The following AMDHD1 variants were observed in gnomAD, a reference collection of about 807,000 sequenced individuals.
The protein encoded by AMDHD1 is amidohydrolase domain containing 1.
AMDHD1 carries 45 observed loss-of-function variants against 44.1 expected under a neutral mutation model. The ratio of observed to expected loss-of-function variants is 1.02; its 90% CI spans 0.80 to 1.31. AMDHD1 has a LOEUF of 1.31. Among genes scored for constraint, AMDHD1 ranks in the 50% most tolerant of loss-of-function variants. AMDHD1 has a pLI of 0.00. For synonymous variants in AMDHD1, 206 were observed against 205.0 expected (o/e 1.00, Z -0.04); for missense variants, 586 against 552.1 (o/e 1.06, Z -0.61).
chr12:95,960,480 A>T lies in AMDHD1; in HGVS notation c.670A>T (p.Ile224Leu), dbSNP rs748912127. Reference sequence around the variant, plus strand: ...GAAGGAACTTGGCAGAAATGGGGAAATACACGTGGACAATATAGACGTATT... The same window carrying T: ...GAAGGAACTTGGCAGAAATGGGGAATTACACGTGGACAATATAGACGTATT... ...KLKELGRNGE[I>L]HVDNIDVFCE... Residue 224 changes from isoleucine to leucine, a missense_variant, in exon 5 of 9, where the codon ATA becomes TTA. By Grantham distance (5) the Ile-to-Leu change is conservative. Coordinates refer to ENST00000266736, the MANE Select transcript of AMDHD1 (RefSeq NM_152435.3). 6 of 1,614,258 alleles carry T rather than the reference A, an allele frequency of 3.7e-6. No individual in the cohort carries two copies. The Admixed American group carries it at 1.0e-4, about 27-fold the overall frequency.
At chr12:95,959,372 A>G (rs1050947741) in intron 4 of AMDHD1, among the ~76,000 whole-genome samples, 1 of 152,198 alleles carries the variant, frequency 6.6e-6, no homozygotes, top group Admixed American at 6.5e-5. Context: ...TTTCTAACAT[A>G]TAACTACTGC....
At position 95,964,225 on chromosome 12, in the gene AMDHD1, C is replaced by A. The variant is rs147048338; in HGVS notation, c.939-1461C>A. On this transcript the variant is annotated intron_variant, in intron 6 of 8. Transcript: ENST00000266736. ...CTCCTATTAGGACCACAGGGGCAGT[C>A]GAAGTGAAGGCCACACTCTGCTTTC... 4.9e-3 allele frequency among the ~76,000 whole-genome samples: 750 copies of A among 152,048 alleles called. 7 individuals are homozygous for A. Among genetic ancestry groups the A allele is most frequent in the Middle Eastern group, 0.01 (3 of 294 alleles).
chr12:95,946,061 CTGTG>C lies in AMDHD1; in HGVS notation c.137+2554_137+2557del, dbSNP rs56658923. 3.2e-3 allele frequency among the ~76,000 whole-genome samples: 393 copies of C among 122,564 alleles called. 2 individuals carry two copies. The highest frequency in any genetic ancestry group is 5.5e-3 in the African/African-American group (209 of 37,752). 80.4% of individuals were successfully genotyped at this position (122,564 alleles called of 152,430 possible). A position where few individuals can be genotyped will look rare whatever the true frequency, so the allele number is the denominator to read the frequency against. ...AATTAAGTTCTCTCTCTCTTTCTCT[CTGTG>C]TGTGTGTGTGTGTGTGTGTGTGTGT... On this transcript the variant is annotated intron_variant, in intron 1 of 8. Coordinates refer to ENST00000266736, the MANE Select transcript of AMDHD1 (RefSeq NM_152435.3).
intron 6 of AMDHD1, among the ~76,000 whole-genome samples, chr12:95,964,333 G>A (rs564906186): frequency 6.6e-6 from 1 of 152,230 alleles, no homozygotes; most frequent in Admixed American, 6.5e-5. Flanking sequence ...ACCCTCTCTT[G>A]ACTCTCATTT....
chr12:95,950,694 A>G (rs2080521850), intron 1 of AMDHD1, among the ~76,000 whole-genome samples: 1 of 152,196 alleles, frequency 6.6e-6, no homozygotes, highest in South Asian at 2.1e-4. Context: ...CCATGACCCA[A>G]GATGGCCACC....
intron 4 of AMDHD1, among the ~76,000 whole-genome samples, chr12:95,959,626 T>C (rs2080569583): frequency 6.6e-6 from 1 of 151,688 alleles, no homozygotes. Flanking sequence ...TCCTCCCCCA[T>C]ACCCCCAGAT....
At chr12:95,949,695 C>T (rs1026082067) in intron 1 of AMDHD1, among the ~76,000 whole-genome samples, 4 of 152,140 alleles carry the variant, frequency 2.6e-5, no homozygotes, top group African/African-American at 9.7e-5. Context: ...GAAAAGGAAG[C>T]TATGCATATT....
intron 1 of AMDHD1, 142 bp downstream of exon 1, chr12:95,943,677 T>A: frequency 8.3e-7 from 1 of 1,201,678 alleles, no homozygotes; most frequent in Non-Finnish European, 1.1e-6. Context: ...TTGGGGTACC[T>A]GTTGCTAACA....
chr12:95,960,879 C>T (rs2080577931), intron 5 of AMDHD1, among the ~76,000 whole-genome samples: 3 of 152,170 alleles, frequency 2.0e-5, no homozygotes, highest in Middle Eastern at 3.4e-3. Context: ...TGGCTGGGCG[C>T]GGTAGCTCAC....
intron 8 of AMDHD1, 79 bp downstream of exon 8, chr12:95,966,587 ATTAT>A: frequency 2.0e-6 from 3 of 1,526,750 alleles, no homozygotes; most frequent in Non-Finnish European, 2.7e-6. Context: ...TTTTCCACTA[ATTAT>A]TAGTGTCAGA....
intron 3 of AMDHD1, among the ~76,000 whole-genome samples, chr12:95,955,765 C>T (rs2080546417): frequency 6.6e-6 from 1 of 152,146 alleles, no homozygotes; most frequent in South Asian, 2.1e-4. Context: ...ATGAAAACTC[C>T]GGCCAGGAGA....
intron 6 of AMDHD1, among the ~76,000 whole-genome samples, chr12:95,964,928 C>CA (rs60076877): frequency 0.095 from 3,392 of 35,682 alleles, 430 homozygotes; most frequent in East Asian, 0.41. Context: ...ATGTTTGAGG[C>CA]AAAAAAAAAA....
At chr12:95,964,299 G>A (rs762398063) in intron 6 of AMDHD1, among the ~76,000 whole-genome samples, 1 of 152,162 alleles carries the variant, frequency 6.6e-6, no homozygotes, top group Non-Finnish European at 1.5e-5. Context: ...GGAGAGACCA[G>A]CAGGGCCCCC....
intron 6 of AMDHD1, among the ~76,000 whole-genome samples, chr12:95,963,825 G>A (rs951428521): frequency 3.3e-5 from 5 of 152,162 alleles, no homozygotes; most frequent in Non-Finnish European, 7.3e-5. Flanking sequence ...GAGGCCAAGA[G>A]TTCAAGACCA....
chr12:95,964,693 G>A (rs532188425), intron 6 of AMDHD1, among the ~76,000 whole-genome samples: 1 of 152,008 alleles, frequency 6.6e-6, no homozygotes, highest in South Asian at 2.1e-4. Context: ...TATCTCTGCT[G>A]GACTCTTTCT....
At chr12:95,951,452 T>G (rs1279391359) in intron 1 of AMDHD1, among the ~76,000 whole-genome samples, 1 of 152,240 alleles carries the variant, frequency 6.6e-6, no homozygotes, top group Non-Finnish European at 1.5e-5. Context: ...AGTACTCCAT[T>G]GTGTGTATGT....
At chr12:95,948,336 AG>A in intron 1 of AMDHD1, among the ~76,000 whole-genome samples, 1 of 65,754 alleles carries the variant, frequency 1.5e-5, no homozygotes, top group Non-Finnish European at 2.8e-5. Flanking sequence ...CCACCCGGCC[AG>A]CCGCCCCGTC....
chr12:95,956,573 C>T, intron 3 of AMDHD1, 112 bp from the exon 4 acceptor site: 4 of 1,425,712 alleles, frequency 2.8e-6, no homozygotes, highest in East Asian at 2.3e-5. Flanking sequence ...GGTTGGTGCC[C>T]ATGCCATATG....
At chr12:95,945,358 T>A (rs562906852) in intron 1 of AMDHD1, among the ~76,000 whole-genome samples, 2 of 152,338 alleles carry the variant, frequency 1.3e-5, no homozygotes, top group South Asian at 2.1e-4. Flanking sequence ...TACAAGAATA[T>A]TGAGAACTTT....
Sources: gnomAD v4.1 joint callset for allele counts (sites outside exome capture counted in the v4.1 genomes callset) on GRCh38, gnomAD v4.1.1 for gene constraint, MANE v1.5 for transcripts, NCBI Gene and HGNC (gene_info 2026-07-23, HGNC 2026-07-21) for gene names.